The following PTPRS variants were observed in gnomAD, a reference collection of about 807,000 sequenced individuals.
PTPRS encodes the protein protein tyrosine phosphatase receptor type S.
In PTPRS, 63 loss-of-function variants were observed where a neutral mutation model predicts 215.3. That is an observed-to-expected ratio of 0.29 (90% CI 0.24 to 0.36). The LOEUF (loss-of-function observed/expected upper bound fraction) is 0.36. Among genes scored for constraint, PTPRS ranks in the 10% least tolerant of loss-of-function variants. The pLI is 1.00. For missense variants in PTPRS, 2,258 were observed against 2,825.8 expected (o/e 0.80, Z 4.56); for synonymous variants, 1,404 against 1,191.4 (o/e 1.18, Z -3.68).
rs1007146949 is a variant in PTPRS at position 5,237,646 on chromosome 19, G to A, written c.1849+1273C>T. The stretch of plus-strand genomic sequence containing the variant: ...GTGGCTGGGGCAGGCGGGGGGGCAC[G>A]CGGGGTGGGCCGTTTTTGTGAACCT... On this transcript the variant is annotated intron_variant, in intron 13 of 37. Transcript: ENST00000262963. This position sits in a 1 kb window ranked among gnomAD's most constrained non-coding sequence, Gnocchi z 4.2. Among the ~76,000 whole-genome samples, 8 of 152,170 alleles carry A rather than the reference G, an allele frequency of 5.3e-5. No homozygotes were observed. Among genetic ancestry groups the A allele is most frequent in the Non-Finnish European group, 8.8e-5 (6 of 68,026 alleles).
At chr19:5,321,417 G>A (rs2050021271) in intron 1 of PTPRS, among the ~76,000 whole-genome samples, 1 of 152,238 alleles carries the variant, frequency 6.6e-6, no homozygotes, top group South Asian at 2.1e-4. Flanking sequence ...TTTTAGGGAT[G>A]AGGAAAACTG....
chr19:5,233,986 TCA>T (rs141170746), intron 13 of PTPRS, among the ~76,000 whole-genome samples: 13,976 of 106,792 alleles, frequency 0.13, 1,499 homozygotes, highest in East Asian at 0.64. Flanking sequence ...AATCTATATG[TCA>T]CACACTATGT....
intron 35 of PTPRS, among the ~76,000 whole-genome samples, chr19:5,208,737 A>G (rs746641924): frequency 6.6e-6 from 1 of 151,890 alleles, no homozygotes; most frequent in Non-Finnish European, 1.5e-5. Context: ...TCCATAAGAG[A>G]TGCTCCAACC....
intron 35 of PTPRS, among the ~76,000 whole-genome samples, chr19:5,208,822 T>C (rs780514493): frequency 1.3e-5 from 2 of 152,036 alleles, no homozygotes; most frequent in Non-Finnish European, 2.9e-5. Context: ...ACCTCCATCC[T>C]CCATCCTTTG....
chr19:5,241,877 C>T lies in PTPRS; in HGVS notation c.1571-1545G>A, dbSNP rs538138318. ...TGAGACAGAGTTTCGCTCTTGTTGCCCAGACTGGAGTGCAGTGGCACGATC... is the reference window on the plus strand; with the variant it reads ...TGAGACAGAGTTTCGCTCTTGTTGCTCAGACTGGAGTGCAGTGGCACGATC... On this transcript the variant is annotated intron_variant, in intron 11 of 37. Coordinates refer to ENST00000262963, the MANE Select transcript of PTPRS (RefSeq NM_002850.4). Among the ~76,000 whole-genome samples the T allele has an allele frequency of 3.9e-5, 6 of 152,230 alleles. No homozygotes were observed. In the South Asian group the frequency reaches 1.2e-3, roughly 32 times the overall value.
At chr19:5,330,288 C>G (rs1435033769) in intron 1 of PTPRS, among the ~76,000 whole-genome samples, 1 of 152,154 alleles carries the variant, frequency 6.6e-6, no homozygotes, top group Non-Finnish European at 1.5e-5. Flanking sequence ...ATTCCCAGTT[C>G]TCACCCTTCC....
intron 37 of PTPRS, 118 bp downstream of exon 37, chr19:5,207,804 C>G (rs2040501276): frequency 3.5e-6 from 5 of 1,443,972 alleles, no homozygotes; most frequent in Non-Finnish European, 3.8e-6. Flanking sequence ...GGACCGTCTA[C>G]CCACAGTGAC....
At position 5,264,967 on chromosome 19, in the gene PTPRS, C is replaced by A. The variant is rs201716969; in HGVS notation, c.568+41G>T. On this transcript the variant is annotated intron_variant, in intron 5 of 37. Coordinates refer to ENST00000262963, the MANE Select transcript of PTPRS (RefSeq NM_002850.4). ...TGGAGATGCTCCCCACCCCCTGCTG[C>A]CCTCCAAGGCTCCCACGTCCTGTCA... 6.0e-5 allele frequency: 97 copies of A among 1,606,984 alleles called. No homozygotes were observed. The African/African-American group carries it at 1.0e-3, about 17-fold the overall frequency.
intron 17 of PTPRS, among the ~76,000 whole-genome samples, chr19:5,225,302 G>A (rs530384532): frequency 6.6e-6 from 1 of 152,032 alleles, no homozygotes; most frequent in Non-Finnish European, 1.5e-5. Context: ...GAGACTAGGG[G>A]GCCCAGAAGG....
chr19:5,334,351 A>G (rs1036599822), intron 1 of PTPRS, among the ~76,000 whole-genome samples: 5 of 152,192 alleles, frequency 3.3e-5, no homozygotes, highest in African/African-American at 4.8e-5. Context: ...CAAAAACAGA[A>G]TAGAGGTGGC....
At chr19:5,262,929 G>T in intron 6 of PTPRS, 35 bp downstream of exon 6, 1 of 1,565,274 alleles carries the variant, frequency 6.4e-7, no homozygotes, top group Non-Finnish European at 8.7e-7. Context: ...GGGATGGGGC[G>T]TTAGTTGTTG....
chr19:5,330,221 T>C (rs2050280995), intron 1 of PTPRS, among the ~76,000 whole-genome samples: 1 of 152,106 alleles, frequency 6.6e-6, no homozygotes, highest in South Asian at 2.1e-4. Context: ...TCCAGGAGTG[T>C]AGAAACGACA....
intron 4 of PTPRS, among the ~76,000 whole-genome samples, chr19:5,266,686 C>A (rs1163544499): frequency 6.6e-6 from 1 of 152,084 alleles, no homozygotes. Context: ...ATAAACCACA[C>A]TGCTCCCCCG....
At chr19:5,324,062 T>C (rs1361368016) in intron 1 of PTPRS, among the ~76,000 whole-genome samples, 1 of 151,464 alleles carries the variant, frequency 6.6e-6, no homozygotes, top group African/African-American at 2.4e-5. Flanking sequence ...AAACCCCATC[T>C]CTACAAAAAA....
chr19:5,282,154 A>T (rs2047905831), intron 2 of PTPRS, among the ~76,000 whole-genome samples: 1 of 151,274 alleles, frequency 6.6e-6, no homozygotes, highest in Admixed American at 6.6e-5. Flanking sequence ...CCCTTGAGAA[A>T]ACGGAGCTCC....
intron 6 of PTPRS, 136 bp from the exon 7 acceptor site, chr19:5,260,958 G>T: frequency 1.9e-6 from 2 of 1,052,306 alleles, no homozygotes; most frequent in Non-Finnish European, 2.8e-6. Flanking sequence ...AGCCAGCCCT[G>T]GGCATACGGA....
chr19:5,219,912 T>A, intron 22 of PTPRS, 27 bp downstream of exon 22: 1 of 1,606,884 alleles, frequency 6.2e-7, no homozygotes, highest in Non-Finnish European at 8.5e-7. Context: ...TGTGTCTGGA[T>A]GTGGGCGGAC....
At chr19:5,240,124 G>A (rs2043898249) in intron 12 of PTPRS, 75 bp downstream of exon 12, 11 of 1,399,964 alleles carry the variant, frequency 7.9e-6, no homozygotes, top group Non-Finnish European at 9.3e-6. Context: ...AGAGGGGGAA[G>A]AGACAAGGCG....
At chr19:5,223,884 G>A (rs887452956) in intron 17 of PTPRS, among the ~76,000 whole-genome samples, 1 of 151,642 alleles carries the variant, frequency 6.6e-6, no homozygotes, top group Admixed American at 6.6e-5. Context: ...TTTTAAAAGT[G>A]GATCTCAAGG....
Sources: gnomAD v4.1 joint callset for allele counts (sites outside exome capture counted in the v4.1 genomes callset) on GRCh38, gnomAD v4.1.1 for gene constraint, Gnocchi (gnomAD v3.1) non-coding constraint, MANE v1.5 for transcripts, NCBI Gene and HGNC (gene_info 2026-07-23, HGNC 2026-07-21) for gene names.